The following PUS1 variants were observed in gnomAD, a reference collection of about 807,000 sequenced individuals.
PUS1 encodes pseudouridine synthase 1, also known as pseudouridylate synthase 1 homolog.
In PUS1, 25 loss-of-function variants were observed where a neutral mutation model predicts 38.5. The observed-to-expected ratio is 0.65, with a 90% CI of 0.47 to 0.91. The LOEUF (loss-of-function observed/expected upper bound fraction) is 0.91. Among genes scored for constraint, PUS1 ranks in the 40% least tolerant of loss-of-function variants. PUS1 has a pLI of 0.00. For synonymous variants in PUS1, 282 were observed against 260.4 expected (o/e 1.08, Z -0.80); for missense variants, 597 against 612.3 (o/e 0.97, Z 0.26).
At position 131,941,874 on chromosome 12, in the gene PUS1, C is replaced by A; in HGVS notation, c.1127C>A (p.Thr376Asn). 1 of 1,613,836 alleles carries A rather than the reference C, an allele frequency of 6.2e-7. No homozygotes were observed. Among genetic ancestry groups the A allele is most frequent in the Non-Finnish European group, 8.5e-7 (1 of 1,180,050 alleles). ...TTCAAGGAGGAGCACATCTACCCCA[C>A]CATCATCGGCACCGAGCGGGACGAA... is the stretch of plus-strand genomic sequence containing the variant. ...AAFKEEHIYP[T>N]IIGTERDERS... Residue 376 changes from threonine (T) to asparagine (N), a missense_variant, in exon 5 of 6, where the codon ACC becomes AAC. Thr to Asn is a moderately conservative substitution (Grantham distance 65). Coordinates refer to ENST00000376649, the MANE Select transcript of PUS1 (RefSeq NM_025215.6). This position sits in a 1 kb window ranked among gnomAD's most constrained non-coding sequence, Gnocchi z 4.4.
At chr12:131,931,924 T>C (rs574371624) in intron 2 of PUS1, 19 of 615,612 alleles carry the variant, frequency 3.1e-5, no homozygotes, top group Middle Eastern at 4.3e-4. Flanking sequence ...AGTAGGTGTA[T>C]GCACAGGTTC....
intron 3 of PUS1, among the ~76,000 whole-genome samples, chr12:131,933,478 C>T (rs941893291): frequency 6.6e-6 from 1 of 152,194 alleles, no homozygotes; most frequent in African/African-American, 2.4e-5. Flanking sequence ...ATCACAAATC[C>T]ACCACCCTGG....
intron 3 of PUS1, among the ~76,000 whole-genome samples, chr12:131,935,588 G>A (rs1230127709): frequency 6.6e-6 from 1 of 152,102 alleles, no homozygotes; most frequent in Non-Finnish European, 1.5e-5. Flanking sequence ...AGGCTGGAGT[G>A]CAATGGCGTG....
At position 131,945,454 on chromosome 12, in the gene PUS1, T is replaced by C. The variant is rs1312097803; in HGVS notation, c.*1868T>C. On this transcript the variant is annotated 3_prime_UTR_variant, in exon 6 of 6. Coordinates refer to ENST00000376649, the MANE Select transcript of PUS1 (RefSeq NM_025215.6). ...TTTGGAGAACAAGCAGGAGCTTGGTTCTAAGCATGTTAATTTTACCTGGGA... is the reference window on the plus strand; with the variant it reads ...TTTGGAGAACAAGCAGGAGCTTGGTCCTAAGCATGTTAATTTTACCTGGGA... The C allele has an allele frequency of 6.6e-6, 1 of 152,252 alleles. No homozygotes were observed. The highest frequency in any genetic ancestry group is 2.4e-5 in the African/African-American group (1 of 41,464). The allele number at this position is 152,252 out of a possible 1,614,324, so 9.4% of individuals were successfully genotyped here.
chr12:131,932,055 A>G (rs2136432039), intron 2 of PUS1, 120 bp from the exon 3 acceptor site: 5 of 857,970 alleles, frequency 5.8e-6, no homozygotes, highest in Admixed American at 2.0e-5. Flanking sequence ...TCACACTTGT[A>G]ATCTCAGCAC....
At chr12:131,931,680 G>A (rs151322892) in intron 2 of PUS1, 238 of 183,294 alleles carry the variant, frequency 1.3e-3, no homozygotes, top group Middle Eastern at 5.2e-3. Flanking sequence ...TCAAGAGCCC[G>A]GCACCACGCC....
At chr12:131,937,645 G>T (rs1262186449) in intron 3 of PUS1, among the ~76,000 whole-genome samples, 4 of 152,092 alleles carry the variant, frequency 2.6e-5, no homozygotes, top group Non-Finnish European at 5.9e-5. Flanking sequence ...CAAAGTGCTG[G>T]GATTACAGGC....
Position 131,929,890 on chromosome 12 carries a change from G to A in PUS1, c.75-17G>A. On this transcript the variant is annotated splice_polypyrimidine_tract_variant and intron_variant, in intron 1 of 5. Coordinates refer to ENST00000376649, the MANE Select transcript of PUS1 (RefSeq NM_025215.6). ...CGGTGCCGAGCGGGCCCCCGCTCACGCCGCCCTTCTCCGCAGCTCGCCGCG... is the reference window on the plus strand; with the variant it reads ...CGGTGCCGAGCGGGCCCCCGCTCACACCGCCCTTCTCCGCAGCTCGCCGCG... 8.0e-7 allele frequency: 1 copy of A among 1,244,876 alleles called. No homozygotes were observed. Among genetic ancestry groups the A allele is most frequent in the Non-Finnish European group, 1.0e-6 (1 of 979,164 alleles). The allele number at this position is 1,244,876 out of a possible 1,614,324, so 77.1% of individuals were successfully genotyped here. A position where few individuals can be genotyped will look rare whatever the true frequency, so the allele number is the denominator to read the frequency against.
chr12:131,932,591 A>C, intron 3 of PUS1: 1 of 549,704 alleles, frequency 1.8e-6, no homozygotes. Context: ...TGCAGGTGGC[A>C]CAGTGGCGGC....
At chr12:131,939,149 T>C in intron 3 of PUS1, 24 bp from the exon 4 acceptor site, 1 of 1,517,582 alleles carries the variant, frequency 6.6e-7, no homozygotes, top group East Asian at 2.5e-5. Flanking sequence ...CCACCTTCCG[T>C]CACCCGTTCT....
chr12:131,942,279 G>T (rs895576945), intron 5 of PUS1, among the ~76,000 whole-genome samples: 1 of 152,234 alleles, frequency 6.6e-6, no homozygotes, highest in Non-Finnish European at 1.5e-5. Flanking sequence ...GACAGCTGCG[G>T]AATGTAGCTT....
At chr12:131,943,503 C>G in intron 5 of PUS1, 36 bp from the exon 6 acceptor site, 2 of 1,589,472 alleles carry the variant, frequency 1.3e-6, no homozygotes, top group Non-Finnish European at 1.7e-6. Context: ...GGAGAGAGTG[C>G]TTGCCTCTTA....
At position 131,939,170 on chromosome 12, in the gene PUS1, C is replaced by A; in HGVS notation, c.442-3C>A. ...TCCGTCACCCGTTCTGCTTTGTTTA[C>A]AGGGTGTGTCCGCAGCCGGCCAGGT... On this transcript the variant is annotated splice_region_variant and splice_polypyrimidine_tract_variant and intron_variant, in intron 3 of 5. Coordinates refer to ENST00000376649, the MANE Select transcript of PUS1 (RefSeq NM_025215.6). 6.4e-7 allele frequency: 1 copy of A among 1,553,174 alleles called. No individual in the cohort carries two copies. The highest frequency in any genetic ancestry group is 8.7e-7 in the Non-Finnish European group (1 of 1,146,806).
chr12:131,942,751 C>T (rs907163122), intron 5 of PUS1, among the ~76,000 whole-genome samples: 1 of 152,244 alleles, frequency 6.6e-6, no homozygotes, highest in Non-Finnish European at 1.5e-5. Context: ...CAAAGGGTGA[C>T]ATTCCCAGGC....
intron 5 of PUS1, among the ~76,000 whole-genome samples, chr12:131,942,651 C>T (rs1353787780): frequency 1.3e-5 from 2 of 152,174 alleles, no homozygotes; most frequent in Non-Finnish European, 2.9e-5. Flanking sequence ...TGTGATCCAC[C>T]CGCCTTGGCC....
At chr12:131,938,308 C>G (rs957361383) in intron 3 of PUS1, among the ~76,000 whole-genome samples, 1 of 151,988 alleles carries the variant, frequency 6.6e-6, no homozygotes, top group Non-Finnish European at 1.5e-5. Context: ...AGCCAGGCAT[C>G]GTGGTGCCTG....
At chr12:131,939,610 T>G (rs1890981420) in intron 4 of PUS1, among the ~76,000 whole-genome samples, 1 of 152,242 alleles carries the variant, frequency 6.6e-6, no homozygotes, top group Admixed American at 6.5e-5. Context: ...TGTCTACCTT[T>G]TAAGTGGCAG....
At chr12:131,933,933 A>G (rs1345679809) in intron 3 of PUS1, among the ~76,000 whole-genome samples, 1 of 152,230 alleles carries the variant, frequency 6.6e-6, no homozygotes, top group East Asian at 1.9e-4. Flanking sequence ...ATACAAGGCA[A>G]GGGGACAGGG....
intron 3 of PUS1, 34 bp from the exon 4 acceptor site, chr12:131,939,139 C>G: frequency 7.0e-7 from 1 of 1,434,330 alleles, no homozygotes; most frequent in East Asian, 2.5e-5. Flanking sequence ...CCCAAGGGAC[C>G]CACCTTCCGT....
Sources: gnomAD v4.1 joint callset for allele counts (sites outside exome capture counted in the v4.1 genomes callset) on GRCh38, gnomAD v4.1.1 for gene constraint, Gnocchi (gnomAD v3.1) non-coding constraint, MANE v1.5 for transcripts, NCBI Gene and HGNC (gene_info 2026-07-23, HGNC 2026-07-21) for gene names.